The following RASGRF2 variants were observed in gnomAD, a reference collection of about 807,000 sequenced individuals.
RASGRF2 encodes the protein ras-specific guanine nucleotide-releasing factor 2.
A neutral mutation model predicts 151.0 loss-of-function variants in RASGRF2; 76 were observed. That is an observed-to-expected ratio of 0.50 (90% CI 0.42 to 0.61). The LOEUF is 0.61. Among genes scored for constraint, RASGRF2 ranks in the 20% least tolerant of loss-of-function variants. The pLI is 0.00. For missense variants in RASGRF2, 1,148 were observed against 1,564.6 expected, an observed-to-expected ratio of 0.73 and a Z score of 4.49; for synonymous variants, 504 against 566.5, an observed-to-expected ratio of 0.89 and a Z score of 1.57.
Position 81,080,679 on chromosome 5 carries a change from G to A in RASGRF2, c.1051G>A (p.Ala351Thr), listed in dbSNP as rs766643927. ...TCACCAGTACAGCCTGCAAGTTCTC[G>A]CCAATTGTAAGCAAAACAGAGATTT... ...RNHQYSLQVL[A>T]NCKQNRDFDK... Residue 351 changes from alanine to threonine, a missense_variant, in exon 7 of 27, where the codon GCC becomes ACC. Ala to Thr is a moderately conservative substitution (Grantham distance 58). This residue lies in a region of RASGRF2 where 176 missense variants were observed against 309.6 expected (regional missense o/e 0.57). Coordinates refer to ENST00000265080, the MANE Select transcript of RASGRF2 (RefSeq NM_006909.3). 4.2e-5 allele frequency: 67 copies of A among 1,613,950 alleles called. No homozygotes were observed. Among genetic ancestry groups the A allele is most frequent in the South Asian group, 3.5e-4 (32 of 91,086 alleles).
chr5:81,087,710 C>T (rs1300676900), intron 9 of RASGRF2: 2 of 313,344 alleles, frequency 6.4e-6, no homozygotes, highest in Non-Finnish European at 1.2e-5. Context: ...GGGGAGAATG[C>T]CCCAGGCAAT....
rs114767979 is a variant in RASGRF2 at position 81,094,081 on chromosome 5, G to A, written c.1552-215G>A. ...TGCTAAATTTTATAAACAACTGAGT[G>A]AGAGTGGGTTGAAAGGGAAGGATTT... On this transcript the variant is annotated intron_variant, in intron 10 of 26. Coordinates refer to ENST00000265080, the MANE Select transcript of RASGRF2 (RefSeq NM_006909.3). 4.3e-3 allele frequency among the ~76,000 whole-genome samples: 654 copies of A among 152,262 alleles called. 5 individuals carry two copies. The highest frequency in any genetic ancestry group is 0.015 in the African/African-American group (618 of 41,552).
chr5:81,090,348 A>G (rs540729393), intron 9 of RASGRF2, among the ~76,000 whole-genome samples: 2 of 152,332 alleles, frequency 1.3e-5, no homozygotes, highest in African/African-American at 4.8e-5. Context: ...TATTAGAGAG[A>G]CCGATGACCA....
intron 17 of RASGRF2, among the ~76,000 whole-genome samples, chr5:81,134,709 G>A (rs1753712517): frequency 6.6e-6 from 1 of 152,134 alleles, no homozygotes; most frequent in South Asian, 2.1e-4. Context: ...ACTTGTAGTA[G>A]ACTATACAGT....
chr5:81,099,958 A>T (rs1166905205), intron 12 of RASGRF2, among the ~76,000 whole-genome samples: 3 of 131,298 alleles, frequency 2.3e-5, no homozygotes, highest in Non-Finnish European at 4.6e-5. Context: ...CCCAGGCTGG[A>T]GTGCAGTGGC....
chr5:81,197,672 T>A (rs150140334), intron 18 of RASGRF2, among the ~76,000 whole-genome samples: 1 of 152,316 alleles, frequency 6.6e-6, no homozygotes, highest in African/African-American at 2.4e-5. Flanking sequence ...CAATTAACAA[T>A]GTTCTCTCCA....
chr5:81,207,115 T>C (rs1251024389), intron 20 of RASGRF2, 131 bp from the exon 21 acceptor site: 1 of 871,946 alleles, frequency 1.1e-6, no homozygotes. Context: ...CTTTCTGCCA[T>C]TTTTTTCATA....
intron 23 of RASGRF2, among the ~76,000 whole-genome samples, chr5:81,214,744 G>C (rs1211214138): frequency 6.6e-6 from 1 of 152,196 alleles, no homozygotes. Flanking sequence ...TCCATGCCCA[G>C]CCACGCTGCC....
chr5:81,005,190 C>G (rs13156982), intron 1 of RASGRF2, among the ~76,000 whole-genome samples: 31,335 of 152,112 alleles, frequency 0.21, 3,297 homozygotes, highest in Admixed American at 0.24. Context: ...AAAGACATAC[C>G]TGAGACTGGG....
At chr5:81,109,558 C>G (rs138502292) in intron 13 of RASGRF2, among the ~76,000 whole-genome samples, 1 of 152,100 alleles carries the variant, frequency 6.6e-6, no homozygotes, top group Non-Finnish European at 1.5e-5. Flanking sequence ...CCCAGCTACT[C>G]GGGAGGCTGA....
At chr5:81,165,101 T>A (rs1054338976) in intron 17 of RASGRF2, among the ~76,000 whole-genome samples, 1 of 152,062 alleles carries the variant, frequency 6.6e-6, no homozygotes, top group Non-Finnish European at 1.5e-5. Context: ...TTCCAGGGGC[T>A]TAAGGTTTCA....
At chr5:81,199,919 A>G (rs1282618493) in intron 18 of RASGRF2, among the ~76,000 whole-genome samples, 1 of 150,670 alleles carries the variant, frequency 6.6e-6, no homozygotes, top group African/African-American at 2.4e-5. Context: ...AAAAAAGAAA[A>G]TGGTGATTTT....
intron 17 of RASGRF2, among the ~76,000 whole-genome samples, chr5:81,171,396 C>T (rs777137870): frequency 1.3e-5 from 2 of 152,102 alleles, no homozygotes; most frequent in Non-Finnish European, 1.5e-5. Context: ...GGCTGGAGTG[C>T]GACATCTTAT....
chr5:81,130,146 C>A (rs530259323), intron 17 of RASGRF2, among the ~76,000 whole-genome samples: 1 of 152,212 alleles, frequency 6.6e-6, no homozygotes, highest in Non-Finnish European at 1.5e-5. Flanking sequence ...CCTTCTTCAG[C>A]GAGCTGGCTC....
intron 17 of RASGRF2, among the ~76,000 whole-genome samples, chr5:81,171,748 G>A (rs933800792): frequency 1.3e-5 from 2 of 152,146 alleles, no homozygotes; most frequent in Admixed American, 6.5e-5. Context: ...CCACAAACAT[G>A]TTGTCACCTT....
intron 22 of RASGRF2, among the ~76,000 whole-genome samples, chr5:81,209,413 A>G (rs938594033): frequency 1.3e-5 from 2 of 152,214 alleles, no homozygotes; most frequent in African/African-American, 4.8e-5. Flanking sequence ...TCACTAAACT[A>G]TAGTAAAAGG....
At position 81,079,904 on chromosome 5, in the gene RASGRF2, T is replaced by A. The variant is rs546874729; in HGVS notation, c.888-217T>A. ...GGTTATGTGACAATGATTTGGTGCT[T>A]TCTGTCCTCTAATATTTGAATGTTA... On this transcript the variant is annotated intron_variant, in intron 5 of 26. Transcript: ENST00000265080. Among the ~76,000 whole-genome samples, 3 of 152,310 alleles carry A rather than the reference T, an allele frequency of 2.0e-5. No homozygotes were observed. The South Asian group carries it at 6.2e-4, about 32-fold the overall frequency.
chr5:81,024,345 C>T (rs764552098), intron 1 of RASGRF2, among the ~76,000 whole-genome samples: 3 of 143,564 alleles, frequency 2.1e-5, no homozygotes, highest in Middle Eastern at 3.6e-3. Context: ...CTGCAACCTC[C>T]GTCTCCCAGG....
At position 81,168,309 on chromosome 5, in the gene RASGRF2, C is replaced by CTTTTT. The variant is rs70994426; in HGVS notation, c.2687-11851_2687-11847dup. Among the ~76,000 whole-genome samples, 6 of 115,982 alleles carry CTTTTT rather than the reference C, an allele frequency of 5.2e-5. 1 individual carries two copies. The highest frequency in any genetic ancestry group is 1.3e-4 in the African/African-American group (4 of 29,850). 76.1% of individuals were successfully genotyped at this position (115,982 alleles called of 152,430 possible). A position where few individuals can be genotyped will look rare whatever the true frequency, so the allele number is the denominator to read the frequency against. Reference sequence around the variant, plus strand: ...ATGCCAGCGTCTTTTTTTTTCTTCTCTTTTTTTTTTTTTTTTTTTAAGACA... The same window carrying CTTTTT: ...ATGCCAGCGTCTTTTTTTTTCTTCTCTTTTTTTTTTTTTTTTTTTTTTTTAAGACA... On this transcript the variant is annotated intron_variant, in intron 17 of 26. Transcript: ENST00000265080.
Sources: allele counts gnomAD v4.1 joint callset (sites outside exome capture counted in the v4.1 genomes callset), GRCh38; gene constraint gnomAD v4.1.1; regional missense constraint gnomAD v4.1.1; transcripts MANE v1.5; gene names NCBI Gene and HGNC (gene_info 2026-07-23, HGNC 2026-07-21).